The following SNTG1 variants were observed in gnomAD, a reference collection of about 807,000 sequenced individuals.
SNTG1 encodes the protein syntrophin gamma 1.
In SNTG1, 39 loss-of-function variants were observed where a neutral mutation model predicts 74.7. The observed-to-expected ratio is 0.52, with a 90% CI of 0.40 to 0.68. The LOEUF (loss-of-function observed/expected upper bound fraction) is 0.68. SNTG1 is among the 30% of genes least tolerant of loss of function. The pLI is 0.00. For synonymous variants in SNTG1, 254 were observed against 217.1 expected, an observed-to-expected ratio of 1.17 and a Z score of -1.49; for missense variants, 685 against 609.5, an observed-to-expected ratio of 1.12 and a Z score of -1.30.
At chr8:50,348,332 T>C (rs1156345487) in intron 2 of SNTG1, among the ~76,000 whole-genome samples, 1 of 152,194 alleles carries the variant, frequency 6.6e-6, no homozygotes, top group Non-Finnish European at 1.5e-5. Flanking sequence ...AGGATGCTCC[T>C]CATCCCATCT....
intron 15 of SNTG1, among the ~76,000 whole-genome samples, chr8:50,679,512 C>T (rs763437473): frequency 3.3e-5 from 5 of 152,126 alleles, no homozygotes; most frequent in African/African-American, 4.8e-5. Flanking sequence ...GCATTCAATA[C>T]ATGTTAGTGA....
intron 4 of SNTG1, among the ~76,000 whole-genome samples, chr8:50,413,591 G>C (rs749979781): frequency 1.3e-5 from 2 of 152,130 alleles, no homozygotes; most frequent in Non-Finnish European, 2.9e-5. Flanking sequence ...AGAGTCACAA[G>C]ACCGGAATAT....
At chr8:50,178,280 T>G (rs766324285) in intron 2 of SNTG1, among the ~76,000 whole-genome samples, 1 of 152,150 alleles carries the variant, frequency 6.6e-6, no homozygotes, top group Non-Finnish European at 1.5e-5. Flanking sequence ...TTCTCTTTTT[T>G]GCCACTGCTG....
intron 17 of SNTG1, among the ~76,000 whole-genome samples, chr8:50,723,050 A>G (rs144459136): frequency 1.5e-4 from 23 of 152,280 alleles, no homozygotes; most frequent in African/African-American, 5.5e-4. Flanking sequence ...ACAATGTTAA[A>G]TGATTTTCTT....
At chr8:50,690,696 G>A (rs1025398340) in intron 15 of SNTG1, among the ~76,000 whole-genome samples, 1 of 152,180 alleles carries the variant, frequency 6.6e-6, no homozygotes, top group Non-Finnish European at 1.5e-5. Context: ...AGTAGGTGTG[G>A]TGTGGTGCTG....
chr8:50,234,237 T>C (rs898554731), intron 2 of SNTG1, among the ~76,000 whole-genome samples: 3 of 151,920 alleles, frequency 2.0e-5, no homozygotes, highest in Non-Finnish European at 4.4e-5. Flanking sequence ...AATGAACTAA[T>C]GATATATACC....
chr8:50,569,868 C>T (rs976267107), intron 12 of SNTG1, among the ~76,000 whole-genome samples: 5 of 152,088 alleles, frequency 3.3e-5, no homozygotes, highest in African/African-American at 7.2e-5. Context: ...AGGTGCCAAC[C>T]AAAAATGGGT....
At chr8:49,994,739 A>G (rs1409052957) in intron 1 of SNTG1, among the ~76,000 whole-genome samples, 2 of 152,120 alleles carry the variant, frequency 1.3e-5, no homozygotes, top group African/African-American at 2.4e-5. Flanking sequence ...ACATCCTCAT[A>G]TAATGAGATG....
chr8:49,918,974 A>T (rs923338714), intron 1 of SNTG1, among the ~76,000 whole-genome samples: 1 of 152,164 alleles, frequency 6.6e-6, no homozygotes, highest in African/African-American at 2.4e-5. Flanking sequence ...TGGCTTGATT[A>T]AAGTGTTCAA....
intron 1 of SNTG1, among the ~76,000 whole-genome samples, chr8:50,132,984 C>T (rs922560101): frequency 6.6e-6 from 1 of 152,142 alleles, no homozygotes; most frequent in Non-Finnish European, 1.5e-5. Flanking sequence ...GTCTCCAGGA[C>T]ATAGTATCTT....
At chr8:50,279,021 T>A (rs994688338) in intron 2 of SNTG1, among the ~76,000 whole-genome samples, 1 of 152,146 alleles carries the variant, frequency 6.6e-6, no homozygotes, top group African/African-American at 2.4e-5. Flanking sequence ...TAGAAGAAGA[T>A]GAGTACAAGA....
At chr8:49,936,440 G>A (rs1191007061) in intron 1 of SNTG1, among the ~76,000 whole-genome samples, 3 of 152,114 alleles carry the variant, frequency 2.0e-5, no homozygotes, top group African/African-American at 7.2e-5. Context: ...TATGGTGGAA[G>A]TATCACTCAC....
intron 15 of SNTG1, among the ~76,000 whole-genome samples, chr8:50,663,178 G>A (rs1199111186): frequency 6.6e-6 from 1 of 152,128 alleles, no homozygotes; most frequent in Non-Finnish European, 1.5e-5. Flanking sequence ...AAAGAAGTAT[G>A]TGTCCCTTCA....
At chr8:50,067,033 C>CT (rs965455717) in intron 1 of SNTG1, among the ~76,000 whole-genome samples, 91 of 151,422 alleles carry the variant, frequency 6.0e-4, no homozygotes, top group African/African-American at 1.8e-3. Flanking sequence ...CTTTTCTTTT[C>CT]TTTTTTTTTG....
At chr8:49,942,415 A>G (rs1293955570) in intron 1 of SNTG1, among the ~76,000 whole-genome samples, 1 of 152,216 alleles carries the variant, frequency 6.6e-6, no homozygotes, top group African/African-American at 2.4e-5. Context: ...TTCTTTTATT[A>G]TTAACATCTT....
At chr8:50,559,905 A>G (rs1164661952) in intron 12 of SNTG1, among the ~76,000 whole-genome samples, 1 of 152,218 alleles carries the variant, frequency 6.6e-6, no homozygotes, top group African/African-American at 2.4e-5. Context: ...GTTTCTGCAC[A>G]GCAAAAGAAA....
chr8:50,347,653 G>T (rs1018480932), intron 2 of SNTG1, among the ~76,000 whole-genome samples: 5 of 152,080 alleles, frequency 3.3e-5, no homozygotes. Context: ...TTCTGAAAAG[G>T]ATTCACCATT....
At chr8:50,572,269 T>G (rs1369040464) in intron 12 of SNTG1, among the ~76,000 whole-genome samples, 2 of 149,374 alleles carry the variant, frequency 1.3e-5, no homozygotes, top group Non-Finnish European at 3.0e-5. Context: ...TATATATATA[T>G]ATATATAGAG....
At chr8:50,479,939 T>C (rs954821532) in intron 8 of SNTG1, among the ~76,000 whole-genome samples, 1 of 152,156 alleles carries the variant, frequency 6.6e-6, no homozygotes, top group East Asian at 1.9e-4. Context: ...AGAGGTTCAG[T>C]AAATGTTAGT....
Sources: allele counts gnomAD v4.1 joint callset (sites outside exome capture counted in the v4.1 genomes callset), GRCh38; gene constraint gnomAD v4.1.1; transcripts MANE v1.5; gene names NCBI Gene and HGNC (gene_info 2026-07-23, HGNC 2026-07-21).